EDN2: variants seen among roughly 807,000 people sequenced by gnomAD.
The protein encoded by EDN2 is endothelin-2.
In EDN2, 10 loss-of-function variants were observed where a neutral mutation model predicts 19.9. The ratio of observed to expected loss-of-function variants is 0.50; its 90% CI spans 0.31 to 0.85. The LOEUF (loss-of-function observed/expected upper bound fraction) is 0.85. Among genes scored for constraint, EDN2 ranks in the 40% least tolerant of loss-of-function variants. The pLI is 0.05. For missense variants in EDN2, 222 were observed against 239.3 expected (o/e 0.93, Z 0.48); for synonymous variants, 84 against 94.9 (o/e 0.89, Z 0.67).
rs573985139 is a variant in EDN2 at position 41,478,888 on chromosome 1, C to T, written c.*521G>A. The T allele has an allele frequency of 9.4e-4, 217 of 229,882 alleles. No homozygotes were observed. The highest frequency in any genetic ancestry group is 2.2e-3 in the Admixed American group (43 of 19,986). 14.2% of individuals were successfully genotyped at this position (229,882 alleles called of 1,614,324 possible). Reference sequence around the variant, plus strand: ...GTTCTTAGGGCAAATAAGTTATATACAGACAGGAAAAGCAGAGCAGGCCCT... The same window carrying T: ...GTTCTTAGGGCAAATAAGTTATATATAGACAGGAAAAGCAGAGCAGGCCCT... On this transcript the variant is annotated 3_prime_UTR_variant, in exon 5 of 5. Coordinates refer to ENST00000372587, the MANE Select transcript of EDN2 (RefSeq NM_001956.5).
chr1:41,484,008 C>T (rs377698936), intron 2 of EDN2, 39 bp downstream of exon 2: 9 of 1,545,286 alleles, frequency 5.8e-6, no homozygotes, highest in African/African-American at 1.4e-5. Flanking sequence ...ACACCCTGCC[C>T]CAGAGCTCCC....
At chr1:41,482,355 C>T in intron 3 of EDN2, 111 bp downstream of exon 3, 1 of 1,324,286 alleles carries the variant, frequency 7.6e-7, no homozygotes, top group South Asian at 1.8e-5. Flanking sequence ...GGTCGCTTCT[C>T]ACCCCCAACT....
At chr1:41,481,542 ATT>A (rs369964181) in intron 3 of EDN2, among the ~76,000 whole-genome samples, 1 of 144,474 alleles carries the variant, frequency 6.9e-6, no homozygotes, top group African/African-American at 2.5e-5. Context: ...GGAGCTTGGG[ATT>A]TTTTTTTTTT....
intron 3 of EDN2, 46 bp from the exon 4 acceptor site, chr1:41,481,239 C>A (rs1268907354): frequency 6.5e-7 from 1 of 1,541,364 alleles, no homozygotes; most frequent in Non-Finnish European, 8.9e-7. Flanking sequence ...GCCCAGGGCC[C>A]TGAAGCTACC....
rs181076869 is a variant in EDN2 at position 41,479,449 on chromosome 1, C to T, written c.497G>A (p.Arg166Gln). ...LFAKRQQEAMREPRSTHSRWR... is the reference protein window; with the variant it reads ...LFAKRQQEAMQEPRSTHSRWR... ...CCTGGAATGTGTGGACCGAGGCTCC[C>T]GCATGGCCTCCTGTTGTCGCTTGGC... The change falls in exon 5 of 5, where the codon CGG becomes CAG. Residue 166 changes from arginine (R) to glutamine (Q), a missense_variant. Transcript: ENST00000372587. The T allele has an allele frequency of 9.9e-6, 16 of 1,614,238 alleles. No individual in the cohort carries two copies. Among genetic ancestry groups the T allele is most frequent in the African/African-American group, 9.3e-5 (7 of 75,066 alleles).
chr1:41,483,501 C>T (rs11210277), intron 2 of EDN2, among the ~76,000 whole-genome samples: 10,915 of 152,260 alleles, frequency 0.072, 393 homozygotes, highest in Middle Eastern at 0.14. Context: ...GGCTCCCACC[C>T]GGGTGTAGCC....
rs11572343 is a variant in EDN2, at chr1:41,484,616, G to A, written c.-15C>T. ...ACGGAGACCATAGCGGCGGTGGAGC[G>A]CGCAGGCTGGACTGGAGCAGGGAGT... On this transcript the variant is annotated 5_prime_UTR_variant, in exon 1 of 5. Coordinates refer to ENST00000372587, the MANE Select transcript of EDN2 (RefSeq NM_001956.5). The A allele has an allele frequency of 0.019, 29,758 of 1,553,724 alleles. 538 individuals are homozygous for A. Among genetic ancestry groups the A allele is most frequent in the South Asian group, 0.072 (6,048 of 84,164 alleles).
chr1:41,484,418 C>T, intron 1 of EDN2, 120 bp downstream of exon 1: 1 of 1,396,806 alleles, frequency 7.2e-7, no homozygotes. Flanking sequence ...GCCACCACTG[C>T]CGCCAGGCTC....
intron 2 of EDN2, chr1:41,483,813 G>A (rs949306675): frequency 1.1e-5 from 5 of 471,268 alleles, no homozygotes; most frequent in African/African-American, 7.9e-5. Context: ...TGGAAAACGG[G>A]GCCAACACTT....
chr1:41,479,971 G>GCT (rs1644233428), intron 4 of EDN2, among the ~76,000 whole-genome samples: 1 of 152,216 alleles, frequency 6.6e-6, no homozygotes, highest in African/African-American at 2.4e-5. Flanking sequence ...GAACCTGGCT[G>GCT]GGTGGCCACA....
At chr1:41,480,976 T>C (rs527266696) in intron 4 of EDN2, 119 bp downstream of exon 4, 2 of 840,948 alleles carry the variant, frequency 2.4e-6, no homozygotes, top group East Asian at 2.6e-5. Context: ...TTTCCCTCTC[T>C]GAGCCTCAGT....
chr1:41,483,627 T>C (rs1186270926), intron 2 of EDN2: 3 of 172,572 alleles, frequency 1.7e-5, no homozygotes. Context: ...GAGCCTGGCA[T>C]AGTCAAAGCA....
intron 2 of EDN2, 110 bp from the exon 3 acceptor site, chr1:41,482,698 G>A: frequency 7.3e-7 from 1 of 1,379,024 alleles, no homozygotes; most frequent in Non-Finnish European, 9.4e-7. Flanking sequence ...GGCAAGCAGG[G>A]ACTGTCCACA....
chr1:41,482,207 A>C (rs1487066469), intron 3 of EDN2, among the ~76,000 whole-genome samples: 1 of 152,232 alleles, frequency 6.6e-6, no homozygotes, highest in Non-Finnish European at 1.5e-5. Context: ...TGTCACTGGC[A>C]GACTCTCTCC....
Position 41,479,448 on chromosome 1 carries a change from C to A in EDN2, c.498G>T (p.Arg166=). ...ACCTGGAATGTGTGGACCGAGGCTC[C>A]CGCATGGCCTCCTGTTGTCGCTTGG... ...LFAKRQQEAM[R]EPRSTHSRWR... is the part of the protein sequence containing the mutation. Residue 166 remains arginine (R), a synonymous_variant, in exon 5 of 5, where the codon CGG becomes CGT. Transcript: ENST00000372587. 4.3e-6 allele frequency: 7 copies of A among 1,614,188 alleles called. No homozygotes were observed. The highest frequency in any genetic ancestry group is 5.9e-6 in the Non-Finnish European group (7 of 1,180,018).
intron 3 of EDN2, 50 bp downstream of exon 3, chr1:41,482,416 G>T: frequency 1.3e-6 from 2 of 1,528,966 alleles, no homozygotes; most frequent in East Asian, 2.6e-5. Flanking sequence ...CCCAGGGCAT[G>T]CCCGGGCTTG....
intron 3 of EDN2, among the ~76,000 whole-genome samples, chr1:41,481,830 C>A (rs761514018): frequency 6.6e-6 from 1 of 152,116 alleles, no homozygotes; most frequent in Non-Finnish European, 1.5e-5. Flanking sequence ...TGTGAGCCAC[C>A]GTGCGCGGCC....
chr1:41,481,296 G>C, intron 3 of EDN2, 103 bp from the exon 4 acceptor site: 1 of 842,574 alleles, frequency 1.2e-6, no homozygotes, highest in Non-Finnish European at 1.9e-6. Context: ...ATCCCCACCT[G>C]CCTGCGGGAG....
At chr1:41,482,823 G>A in intron 2 of EDN2, 1 of 396,392 alleles carries the variant, frequency 2.5e-6, no homozygotes, top group East Asian at 4.9e-5. Context: ...GGTCCTGGTA[G>A]CCCTTGGCAA....
Sources: gnomAD v4.1 joint callset for allele counts (sites outside exome capture counted in the v4.1 genomes callset) on GRCh38, gnomAD v4.1.1 for gene constraint, MANE v1.5 for transcripts, NCBI Gene and HGNC (gene_info 2026-07-23, HGNC 2026-07-21) for gene names.